TMPRSS6: variants seen among roughly 807,000 people sequenced by gnomAD.
TMPRSS6 encodes transmembrane serine protease 6, also known as transmembrane protease serine 6.
Under a neutral mutation model 101.5 loss-of-function variants are expected in TMPRSS6, and 67 were observed. The observed-to-expected ratio is 0.66, with a 90% CI of 0.54 to 0.81. TMPRSS6 has a LOEUF of 0.81. Among genes scored for constraint, TMPRSS6 ranks in the 30% least tolerant of loss-of-function variants. The pLI is 0.00. For synonymous variants in TMPRSS6, 453 were observed against 464.9 expected, an observed-to-expected ratio of 0.97 and a Z score of 0.33; for missense variants, 1,034 against 1,088.7, an observed-to-expected ratio of 0.95 and a Z score of 0.71.
intron 8 of TMPRSS6, 48 bp downstream of exon 8, chr22:37,086,235 G>A (rs749594377): frequency 6.2e-7 from 1 of 1,613,588 alleles, no homozygotes; most frequent in South Asian, 1.1e-5. Context: ...AGGGCCCTTG[G>A]ATTCTACCAC....
At chr22:37,067,613 C>T (rs1454818454) in intron 16 of TMPRSS6, among the ~76,000 whole-genome samples, 1 of 152,176 alleles carries the variant, frequency 6.6e-6, no homozygotes, top group Non-Finnish European at 1.5e-5. Context: ...CAGATGTCTC[C>T]GAAGCCCACA....
intron 10 of TMPRSS6, among the ~76,000 whole-genome samples, chr22:37,078,989 G>GAAAGAAAGAAAGAAAGAAAGAAAGAA (rs1569006195): frequency 6.7e-6 from 1 of 148,296 alleles, no homozygotes; most frequent in East Asian, 1.9e-4. Context: ...AAGAAAGAAA[G>GAAAGAAAGAAAGAAAGAAAGAAAGAA]AAAGAAAGAA....
In TMPRSS6 at chr22:37,074,661, C is replaced by A; in HGVS notation, c.1390G>T (p.Ala464Ser). 1 of 1,614,220 alleles carries A rather than the reference C, an allele frequency of 6.2e-7. No homozygotes were observed. Among genetic ancestry groups the A allele is most frequent in the African/African-American group, 1.3e-5 (1 of 75,062 alleles). The stretch of plus-strand genomic sequence containing the variant: ...GGGCAGTCCTTGACCCCATCACAGG[C>A]AGGGACACAGAGTCCATTCACAGAA... Reference protein sequence around the residue: ...LCSVNGLCVPACDGVKDCPNG... With the variant: ...LCSVNGLCVPSCDGVKDCPNG... The change falls in exon 12 of 18, where the codon GCC becomes TCC. Residue 464 changes from alanine (A) to serine (S), a missense_variant. Ala to Ser is a moderately conservative substitution (Grantham distance 99). Coordinates refer to ENST00000676104, the MANE Select transcript of TMPRSS6 (RefSeq NM_001374504.1).
chr22:37,078,310 G>T (rs928139995), intron 10 of TMPRSS6, among the ~76,000 whole-genome samples: 2 of 152,142 alleles, frequency 1.3e-5, no homozygotes, highest in East Asian at 3.9e-4. Flanking sequence ...CTTGGGCAGG[G>T]GCTGTAAGGC....
intron 1 of TMPRSS6, among the ~76,000 whole-genome samples, chr22:37,104,509 AC>A (rs1475896765): frequency 6.6e-6 from 1 of 152,112 alleles, no homozygotes; most frequent in Non-Finnish European, 1.5e-5. Flanking sequence ...CTATTTTGAG[AC>A]CCTTTCAAGC....
intron 6 of TMPRSS6, 42 bp from the exon 7 acceptor site, chr22:37,089,824 C>A (rs1413120937): frequency 6.3e-7 from 1 of 1,587,206 alleles, no homozygotes. Flanking sequence ...TCCTGTGAGC[C>A]AGAAGGAGGG....
chr22:37,095,940 C>T lies in TMPRSS6; in HGVS notation c.555G>A (p.Glu185=), dbSNP rs375534394. The part of the protein sequence containing the change: ...NSSAAVPYRA[E]YEVDPEGLVI... The stretch of plus-strand genomic sequence containing the variant: ...CTAGGCCCTCGGGGTCCACTTCGTA[C>T]TCGGCCCTGTAGGGGACGGCAGCCG... Residue 185 remains glutamate, a synonymous_variant, in exon 5 of 18, where the codon GAG becomes GAA. Coordinates refer to ENST00000676104, the MANE Select transcript of TMPRSS6 (RefSeq NM_001374504.1). The T allele has an allele frequency of 2.8e-5, 45 of 1,614,064 alleles. No homozygotes were observed. The highest frequency in any genetic ancestry group is 3.6e-5 in the Non-Finnish European group (43 of 1,180,052).
In TMPRSS6 at chr22:37,098,434, G is replaced by A. The variant is rs1279518670; in HGVS notation, c.318C>T (p.Thr106=). Reference sequence around the variant, plus strand: ...TTCCTACCATCTTCTGGGCTTTGGCGGTTTCACTGCGGAAGGCACTAGATT... The same window carrying A: ...TTCCTACCATCTTCTGGGCTTTGGCAGTTTCACTGCGGAAGGCACTAGATT... ...RRESSAFRSE[T]AKAQKMLKEL... The change falls in exon 3 of 18, where the codon ACC becomes ACT. Residue 106 remains threonine (T), a synonymous_variant. Transcript: ENST00000676104. The A allele has an allele frequency of 6.8e-6, 11 of 1,613,684 alleles. No individual in the cohort carries two copies. Among genetic ancestry groups the A allele is most frequent in the South Asian group, 3.3e-5 (3 of 91,048 alleles).
intron 10 of TMPRSS6, among the ~76,000 whole-genome samples, chr22:37,076,673 C>G (rs1230340236): frequency 2.0e-5 from 3 of 152,330 alleles, no homozygotes; most frequent in African/African-American, 7.2e-5. Context: ...GTGGGACCCT[C>G]CCTCCACAGC....
At position 37,069,082 on chromosome 22, in the gene TMPRSS6, G is replaced by GCT. The variant is rs1926610334; in HGVS notation, c.2103_2104insAG (p.Arg702SerfsTer18). 5 of 1,543,582 alleles carry GCT rather than the reference G, an allele frequency of 3.2e-6. No individual in the cohort carries two copies. In the East Asian group the frequency reaches 1.2e-4, roughly 38 times the overall value. ...AGTCCCCGCTGCTCACCGCCCTCGC[G>GCT]CAAGGCGCCCCAGCCCGTAATCCAG... On this transcript the variant is annotated frameshift_variant, in exon 16 of 18. Transcript: ENST00000676104. LOFTEE classifies it high-confidence loss of function. The surrounding 1 kb of genome is among the most constrained non-coding windows in gnomAD (Gnocchi z 4.8).
chr22:37,085,403 C>T (rs890029825), intron 8 of TMPRSS6, among the ~76,000 whole-genome samples: 7 of 152,162 alleles, frequency 4.6e-5, no homozygotes, highest in Admixed American at 2.6e-4. Context: ...ACCCATTTAG[C>T]GCTCCAGTTT....
intron 6 of TMPRSS6, among the ~76,000 whole-genome samples, chr22:37,090,510 T>C (rs1249036541): frequency 6.6e-6 from 1 of 152,150 alleles, no homozygotes; most frequent in Non-Finnish European, 1.5e-5. Flanking sequence ...GAGCTAATGA[T>C]GGTGAAGCCA....
chr22:37,088,946 G>C (rs1261038407), intron 7 of TMPRSS6, among the ~76,000 whole-genome samples: 1 of 152,178 alleles, frequency 6.6e-6, no homozygotes, highest in Non-Finnish European at 1.5e-5. Flanking sequence ...GGAGACAGGG[G>C]GTTCCCCGTC....
intron 6 of TMPRSS6, among the ~76,000 whole-genome samples, chr22:37,092,564 T>C (rs956118179): frequency 1.1e-4 from 16 of 151,616 alleles, no homozygotes; most frequent in African/African-American, 3.9e-4. Flanking sequence ...TGGTGCAATC[T>C]TGGCTCACTG....
Position 37,069,089 on chromosome 22 carries a change from G to A in TMPRSS6, c.2097C>T (p.Gly699=), listed in dbSNP as rs1488283715. The A allele has an allele frequency of 2.6e-6, 4 of 1,545,864 alleles. No individual in the cohort carries two copies. The Admixed American group carries it at 5.8e-5, about 22-fold the overall frequency. ...GCTGCTCACCGCCCTCGCGCAAGGC[G>A]CCCCAGCCCGTAATCCAGCAGTGCA... ...PGLHCWITGW[G]ALREGGPISN... is the part of the protein sequence containing the mutation. Residue 699 remains glycine, a synonymous_variant, in exon 16 of 18, where the codon GGC becomes GGT. Transcript: ENST00000676104. The surrounding 1 kb of genome is among the most constrained non-coding windows in gnomAD (Gnocchi z 4.8).
chr22:37,083,663 G>A (rs1362912103), intron 10 of TMPRSS6, among the ~76,000 whole-genome samples: 2 of 152,250 alleles, frequency 1.3e-5, no homozygotes, highest in African/African-American at 2.4e-5. Context: ...CCCTGGCAAC[G>A]GTAGTCGCTT....
Position 37,075,073 on chromosome 22 carries a change from T to C in TMPRSS6, c.1342+62A>G. ...AGCTGCCCACAGCCCCCTTGGTGGT[T>C]CCAGGGATGGCCAAGAGGCAGCGAG... On this transcript the variant is annotated intron_variant, in intron 11 of 17. Transcript: ENST00000676104. The C allele has an allele frequency of 1.9e-6, 3 of 1,612,402 alleles. No individual in the cohort carries two copies. The Admixed American group carries it at 5.0e-5, about 27-fold the overall frequency.
chr22:37,107,912 C>G (rs1011100630), intron 1 of TMPRSS6, among the ~76,000 whole-genome samples: 1 of 152,202 alleles, frequency 6.6e-6, no homozygotes, highest in African/African-American at 2.4e-5. Flanking sequence ...TCTGCCTCCT[C>G]CCTGTCTGTA....
intron 2 of TMPRSS6, among the ~76,000 whole-genome samples, chr22:37,099,599 G>A (rs958836276): frequency 3.9e-5 from 6 of 152,182 alleles, no homozygotes; most frequent in African/African-American, 1.4e-4. Context: ...ACAACGGACA[G>A]AACTATCAAG....
Sources: allele counts gnomAD v4.1 joint callset (sites outside exome capture counted in the v4.1 genomes callset), GRCh38; gene constraint gnomAD v4.1.1; non-coding constraint Gnocchi (gnomAD v3.1); transcripts MANE v1.5; gene names NCBI Gene and HGNC (gene_info 2026-07-23, HGNC 2026-07-21).